Variants in HRH1 observed in about 807,000 individuals in gnomAD.
HRH1 encodes the protein histamine receptor H1.
A neutral mutation model predicts 10.3 loss-of-function variants in HRH1; 6 were observed. The observed-to-expected ratio is 0.58, with a 90% confidence interval of 0.32 to 1.15. The LOEUF (loss-of-function observed/expected upper bound fraction) is 1.15. HRH1 is among the 50% of genes most tolerant of loss of function. The pLI is 0.05. For synonymous variants in HRH1, 242 were observed against 236.7 expected (o/e 1.02, Z -0.21); for missense variants, 514 against 615.3 (o/e 0.84, Z 1.74).
chr3:11,142,940 A>G (rs1448411851), intron 1 of HRH1, among the ~76,000 whole-genome samples: 1 of 151,766 alleles, frequency 6.6e-6, no homozygotes, highest in East Asian at 1.9e-4. Flanking sequence ...TTGAATGATG[A>G]TGAGGTGTCC....
chr3:11,231,436 A>G (rs1376758063), intron 1 of HRH1, among the ~76,000 whole-genome samples: 2 of 152,200 alleles, frequency 1.3e-5, no homozygotes, highest in Non-Finnish European at 2.9e-5. Flanking sequence ...TGGTTGTATC[A>G]TTTTACATTC....
chr3:11,242,480 C>CAAAAAAAAAAA lies in HRH1; in HGVS notation c.-35-16504_-35-16494dup, dbSNP rs35809891. Among the ~76,000 whole-genome samples the CAAAAAAAAAAA allele has an allele frequency of 1.3e-3, 65 of 50,376 alleles. 3 individuals are homozygous for CAAAAAAAAAAA. The highest frequency in any genetic ancestry group is 1.8e-3 in the Admixed American group (5 of 2,738). 33.0% of individuals were successfully genotyped at this position (50,376 alleles called of 152,430 possible). ...TGGGCAACAGAGCCAGACTCCGTCTCAAAAAAAAAAAAAAAAAAAAAAAAA... is the reference window on the plus strand; with the variant it reads ...TGGGCAACAGAGCCAGACTCCGTCTCAAAAAAAAAAAAAAAAAAAAAAAAAAAAAAAAAAAA... On this transcript the variant is annotated intron_variant, in intron 1 of 1. Coordinates refer to ENST00000431010, the MANE Select transcript of HRH1 (RefSeq NM_001098212.2).
At chr3:11,242,239 T>G (rs1397819203) in intron 1 of HRH1, among the ~76,000 whole-genome samples, 2 of 152,030 alleles carry the variant, frequency 1.3e-5, no homozygotes, top group African/African-American at 4.8e-5. Context: ...CCCAGCACTT[T>G]GGGAGGCCAA....
chr3:11,228,863 G>A (rs1938966188), intron 1 of HRH1, among the ~76,000 whole-genome samples: 1 of 150,358 alleles, frequency 6.7e-6, no homozygotes, highest in African/African-American at 2.5e-5. Flanking sequence ...GCAGTGAGAC[G>A]AGATCTTGTC....
rs1575050524 is a variant in HRH1 at position 11,260,420 on chromosome 3, C to T, written c.1383C>T (p.Ser461=). 6.2e-7 allele frequency: 1 copy of T among 1,614,078 alleles called. No individual in the cohort carries two copies. Among genetic ancestry groups the T allele is most frequent in the Non-Finnish European group, 8.5e-7 (1 of 1,179,944 alleles). ...MFTIWLGYIN[S]TLNPLIYPLC... ...CCATCTGGCTGGGCTACATCAACTCCACACTGAACCCCCTCATCTACCCCT... is the reference window on the plus strand; with the variant it reads ...CCATCTGGCTGGGCTACATCAACTCTACACTGAACCCCCTCATCTACCCCT... Residue 461 remains serine, a synonymous_variant, in exon 2 of 2, where the codon TCC becomes TCT. Transcript: ENST00000431010.
At chr3:11,255,724 C>T (rs1438833989) in intron 1 of HRH1, among the ~76,000 whole-genome samples, 1 of 152,156 alleles carries the variant, frequency 6.6e-6, no homozygotes, top group African/African-American at 2.4e-5. Flanking sequence ...GCTTCCAGGT[C>T]TTAGGAAGAT....
chr3:11,145,976 T>C (rs747802695), intron 1 of HRH1, among the ~76,000 whole-genome samples: 8 of 152,242 alleles, frequency 5.3e-5, no homozygotes, highest in Non-Finnish European at 1.0e-4. Flanking sequence ...GGTGAATATT[T>C]AGGTTGTTTC....
rs959064277 is a variant in HRH1 at position 11,242,258 on chromosome 3, G to T, written c.-35-16745G>T. 1.1e-4 allele frequency among the ~76,000 whole-genome samples: 17 copies of T among 152,168 alleles called. No homozygotes were observed. In the East Asian group the frequency reaches 1.4e-3, roughly 12 times the overall value. ...GCACTTTGGGAGGCCAAGGCAGGCG[G>T]ATCAGGAGGTCAGGAGATCAAGACC... On this transcript the variant is annotated intron_variant, in intron 1 of 1. Coordinates refer to ENST00000431010, the MANE Select transcript of HRH1 (RefSeq NM_001098212.2).
At chr3:11,214,020 G>C (rs1215368866) in intron 1 of HRH1, among the ~76,000 whole-genome samples, 2 of 152,166 alleles carry the variant, frequency 1.3e-5, no homozygotes, top group Non-Finnish European at 2.9e-5. Context: ...AAGGGTCTCA[G>C]GGGGTCAGCG....
At chr3:11,183,544 A>G (rs1937396284) in intron 1 of HRH1, among the ~76,000 whole-genome samples, 1 of 152,076 alleles carries the variant, frequency 6.6e-6, no homozygotes, top group Admixed American at 6.5e-5. Flanking sequence ...AGGTTGAGAA[A>G]TCCTGCTCTA....
chr3:11,231,994 A>AT lies in HRH1; in HGVS notation c.-35-26992dup, dbSNP rs57276171. ...ATGGTCTGTGGAGCATTTTGAGTTA[A>AT]TTTTTTTTTTTTTTTTTAGACTGAG... is the stretch of plus-strand genomic sequence containing the variant. On this transcript the variant is annotated intron_variant, in intron 1 of 1. Coordinates refer to ENST00000431010, the MANE Select transcript of HRH1 (RefSeq NM_001098212.2). Among the ~76,000 whole-genome samples, 302 of 139,848 alleles carry AT rather than the reference A, an allele frequency of 2.2e-3. 1 individual carries two copies. The highest frequency in any genetic ancestry group is 3.6e-3 in the Middle Eastern group (1 of 278). 91.7% of individuals were successfully genotyped at this position (139,848 alleles called of 152,430 possible).
intron 1 of HRH1, among the ~76,000 whole-genome samples, chr3:11,223,183 CAAAAAAA>C (rs58149660): frequency 7.5e-5 from 2 of 26,784 alleles, no homozygotes; most frequent in African/African-American, 2.9e-4. Context: ...GACTTCGTCT[CAAAAAAA>C]AAAAAAAAAA....
rs60116753 is a variant in HRH1, at chr3:11,202,404, C to CAATAAATAAATA, written c.-36+47872_-36+47883dup. On this transcript the variant is annotated intron_variant, in intron 1 of 1. Transcript: ENST00000431010. Reference sequence around the variant, plus strand: ...TGGGTGACAGAGCAAGACTCCATCTCAATAAATAAATAAATAAATAAATAA... The same window carrying CAATAAATAAATA: ...TGGGTGACAGAGCAAGACTCCATCTCAATAAATAAATAAATAAATAAATAAATAAATAAATAA... 3.9e-3 allele frequency among the ~76,000 whole-genome samples: 544 copies of CAATAAATAAATA among 140,606 alleles called. 2 individuals carry two copies. Among genetic ancestry groups the CAATAAATAAATA allele is most frequent in the East Asian group, 0.017 (81 of 4,726 alleles). The allele number at this position is 140,606 out of a possible 152,430, so 92.2% of individuals were successfully genotyped here.
At chr3:11,141,307 G>C (rs1215969765) in intron 1 of HRH1, among the ~76,000 whole-genome samples, 1 of 152,238 alleles carries the variant, frequency 6.6e-6, no homozygotes, top group African/African-American at 2.4e-5. Context: ...ATAAACGTCA[G>C]TAATGAATAC....
At chr3:11,169,285 C>A (rs1937108515) in intron 1 of HRH1, among the ~76,000 whole-genome samples, 1 of 152,146 alleles carries the variant, frequency 6.6e-6, no homozygotes, top group Non-Finnish European at 1.5e-5. Flanking sequence ...GGGTGTTTAA[C>A]AGATAGGAGC....
At chr3:11,197,041 C>T (rs1483196683) in intron 1 of HRH1, among the ~76,000 whole-genome samples, 1 of 148,600 alleles carries the variant, frequency 6.7e-6, no homozygotes, top group Non-Finnish European at 1.5e-5. Flanking sequence ...AGGAGAGTGG[C>T]GTGAACTCAG....
chr3:11,167,248 C>G (rs1447691790), intron 1 of HRH1, among the ~76,000 whole-genome samples: 3 of 100,602 alleles, frequency 3.0e-5, no homozygotes, highest in Admixed American at 2.0e-4. Context: ...CTGTCCCCTG[C>G]ATTCTCCAGG....
chr3:11,214,855 G>A (rs1038709080), intron 1 of HRH1, among the ~76,000 whole-genome samples: 5 of 152,188 alleles, frequency 3.3e-5, no homozygotes, highest in African/African-American at 1.2e-4. Flanking sequence ...TGTGGATTTA[G>A]CAGGATAAAA....
At chr3:11,174,668 T>C (rs1179335978) in intron 1 of HRH1, among the ~76,000 whole-genome samples, 1 of 152,190 alleles carries the variant, frequency 6.6e-6, no homozygotes, top group Non-Finnish European at 1.5e-5. Flanking sequence ...GTGGCGTGTT[T>C]AGAGTTAGGT....
Sources: allele counts gnomAD v4.1 joint callset (sites outside exome capture counted in the v4.1 genomes callset), GRCh38; gene constraint gnomAD v4.1.1; transcripts MANE v1.5; gene names NCBI Gene and HGNC (gene_info 2026-07-23, HGNC 2026-07-21).